Variants in RBM34 observed in about 807,000 individuals in gnomAD.
RBM34 encodes RNA binding motif protein 34.
Under a neutral mutation model 44.6 loss-of-function variants are expected in RBM34, and 39 were observed. That is an observed-to-expected ratio of 0.87 (90% CI 0.68 to 1.14). The LOEUF (loss-of-function observed/expected upper bound fraction) is 1.14. Ranked by LOEUF, RBM34 falls within the 50% of genes most tolerant of loss-of-function variation. The pLI, the probability that RBM34 is intolerant of heterozygous loss-of-function variation, is 0.00. For synonymous variants in RBM34, 194 were observed against 184.0 expected, an observed-to-expected ratio of 1.05 and a Z score of -0.44; for missense variants, 572 against 517.9, an observed-to-expected ratio of 1.10 and a Z score of -1.01.
At chr1:235,145,063 TAAAC>T (rs1661846241) in intron 6 of RBM34, among the ~76,000 whole-genome samples, 2 of 151,952 alleles carry the variant, frequency 1.3e-5, no homozygotes, top group South Asian at 2.1e-4. Flanking sequence ...ATTAAATAAA[TAAAC>T]AAATAGCAAA....
At position 235,136,076 on chromosome 1, in the gene RBM34, G is replaced by T; in HGVS notation, c.850-3C>A. ...ACAAAAACCGATCTCTTGTCTCTCT[G>T]AAACAAAAAGACAGTTAATAAAAAT... On this transcript the variant is annotated splice_polypyrimidine_tract_variant and splice_region_variant and intron_variant, in intron 8 of 10. Transcript: ENST00000408888. 1 of 1,597,466 alleles carries T rather than the reference G, an allele frequency of 6.3e-7. No homozygotes were observed. Among genetic ancestry groups the T allele is most frequent in the Non-Finnish European group, 8.6e-7 (1 of 1,168,000 alleles).
rs966892740 is a variant in RBM34, at chr1:235,138,088, T to A, written c.785+3A>T. On this transcript the variant is annotated splice_donor_region_variant and intron_variant, in intron 7 of 10. Coordinates refer to ENST00000408888, the MANE Select transcript of RBM34 (RefSeq NM_015014.4). ...TCTGTTCAAACCTAAGGGATAAAAT[T>A]ACCTTTTCAATGCTTGCGTGGCAGC... 2 of 1,599,804 alleles carry A rather than the reference T, an allele frequency of 1.3e-6. No individual in the cohort carries two copies. The highest frequency in any genetic ancestry group is 2.7e-5 in the African/African-American group (2 of 74,084).
intron 6 of RBM34, among the ~76,000 whole-genome samples, chr1:235,139,449 G>A (rs538580748): frequency 2.0e-5 from 3 of 152,138 alleles, no homozygotes; most frequent in African/African-American, 7.2e-5. Flanking sequence ...TATGAATAAG[G>A]AAGCTGAGAC....
Position 235,137,761 on chromosome 1 carries a change from T to C in RBM34, c.849+116A>G. 5.2e-6 allele frequency: 4 copies of C among 764,126 alleles called. No individual in the cohort carries two copies. The South Asian group carries it at 8.0e-5, about 15-fold the overall frequency. 47.3% of individuals were successfully genotyped at this position (764,126 alleles called of 1,614,324 possible). A position where few individuals can be genotyped will look rare whatever the true frequency, so the allele number is the denominator to read the frequency against. On this transcript the variant is annotated intron_variant, in intron 8 of 10. Coordinates refer to ENST00000408888, the MANE Select transcript of RBM34 (RefSeq NM_015014.4). ...CTGTAACCACAGAGGACATAGGCTG[T>C]TTCCTTCTGCGCTTCCCTCACATTG...
intron 8 of RBM34, among the ~76,000 whole-genome samples, chr1:235,137,104 T>A (rs1310811989): frequency 1.3e-5 from 2 of 152,150 alleles, no homozygotes; most frequent in African/African-American, 4.8e-5. Context: ...TATCCCCAAG[T>A]CAAGTGTCCC....
At chr1:235,157,837 T>C (rs1381013353) in intron 3 of RBM34, among the ~76,000 whole-genome samples, 4 of 152,068 alleles carry the variant, frequency 2.6e-5, no homozygotes, top group Non-Finnish European at 4.4e-5. Flanking sequence ...GCCCATTACA[T>C]ATGAGAGGTC....
At chr1:235,138,053 G>A (rs1160008175) in intron 7 of RBM34, 38 bp downstream of exon 7, 6 of 1,566,182 alleles carry the variant, frequency 3.8e-6, no homozygotes, top group East Asian at 2.2e-5. Context: ...CATACTTATA[G>A]GACAATTATT....
intron 6 of RBM34, among the ~76,000 whole-genome samples, chr1:235,146,990 G>C (rs1661933265): frequency 6.6e-6 from 1 of 152,186 alleles, no homozygotes; most frequent in Non-Finnish European, 1.5e-5. Flanking sequence ...CACTGCTTTA[G>C]AAGGCTGAGG....
intron 10 of RBM34, 72 bp from the exon 11 acceptor site, chr1:235,132,069 T>G (rs1312413036): frequency 7.2e-7 from 1 of 1,398,200 alleles, no homozygotes; most frequent in Non-Finnish European, 9.7e-7. Flanking sequence ...AAAGTGTCAC[T>G]TTAACAGATG....
At chr1:235,156,378 A>T (rs1185788290) in intron 3 of RBM34, among the ~76,000 whole-genome samples, 4 of 152,176 alleles carry the variant, frequency 2.6e-5, no homozygotes, top group African/African-American at 9.7e-5. Context: ...TCTATACAAA[A>T]GCTGATTCAC....
At chr1:235,155,838 T>TATACATACATATAC (rs1553275320) in intron 3 of RBM34, among the ~76,000 whole-genome samples, 1 of 26,454 alleles carries the variant, frequency 3.8e-5, no homozygotes, top group Non-Finnish European at 7.0e-5. Context: ...TATATATATA[T>TATACATACATATAC]ATATATATAT....
intron 6 of RBM34, among the ~76,000 whole-genome samples, chr1:235,147,611 C>T (rs1661959444): frequency 6.6e-6 from 1 of 152,036 alleles, no homozygotes; most frequent in African/African-American, 2.4e-5. Flanking sequence ...GAAAAACCGG[C>T]GAAGACCTGG....
At chr1:235,153,001 C>G (rs1437768651) in intron 4 of RBM34, among the ~76,000 whole-genome samples, 1 of 145,870 alleles carries the variant, frequency 6.9e-6, no homozygotes, top group Non-Finnish European at 1.5e-5. Flanking sequence ...TCCCAAGTAG[C>G]TGGGATTACA....
At chr1:235,139,839 A>G (rs1408986169) in intron 6 of RBM34, among the ~76,000 whole-genome samples, 1 of 152,228 alleles carries the variant, frequency 6.6e-6, no homozygotes, top group Non-Finnish European at 1.5e-5. Flanking sequence ...ACGATGGCCG[A>G]GCACAGGGGC....
intron 6 of RBM34, among the ~76,000 whole-genome samples, chr1:235,139,730 C>G (rs996245145): frequency 3.9e-5 from 6 of 152,214 alleles, no homozygotes; most frequent in African/African-American, 1.4e-4. Flanking sequence ...TTGCAGCCAT[C>G]ACAGAGCTGA....
intron 3 of RBM34, among the ~76,000 whole-genome samples, chr1:235,155,876 C>CA (rs1553275389): frequency 1.2e-5 from 1 of 84,514 alleles, no homozygotes; most frequent in Admixed American, 1.2e-4. Flanking sequence ...TACATATATA[C>CA]TTTTTTTTTT....
At position 235,160,468 on chromosome 1, in the gene RBM34, A is replaced by G. The variant is rs112788047; in HGVS notation, c.365+43T>C. 7.3e-4 allele frequency: 1,148 copies of G among 1,567,594 alleles called. 5 individuals carry two copies. The African/African-American group carries it at 0.014, about 19-fold the overall frequency. Reference sequence around the variant, plus strand: ...ATTCCAAGTATAGGAATGTTAATTTACCATCTAATTTCTTTAACATCAAAT... The same window carrying G: ...ATTCCAAGTATAGGAATGTTAATTTGCCATCTAATTTCTTTAACATCAAAT... On this transcript the variant is annotated intron_variant, in intron 3 of 10. Coordinates refer to ENST00000408888, the MANE Select transcript of RBM34 (RefSeq NM_015014.4).
intron 6 of RBM34, among the ~76,000 whole-genome samples, chr1:235,147,285 G>T (rs1572156396): frequency 6.6e-6 from 1 of 152,272 alleles, no homozygotes; most frequent in South Asian, 2.1e-4. Context: ...GGGGCTGGAG[G>T]AGAAGCTGAC....
intron 5 of RBM34, chr1:235,152,360 T>C (rs377666089): frequency 4.0e-6 from 2 of 497,752 alleles, no homozygotes; most frequent in African/African-American, 2.1e-5. Context: ...CTAATGTGTA[T>C]GATGGGACAT....
Sources: allele counts gnomAD v4.1 joint callset (sites outside exome capture counted in the v4.1 genomes callset), GRCh38; gene constraint gnomAD v4.1.1; transcripts MANE v1.5; gene names NCBI Gene and HGNC (gene_info 2026-07-23, HGNC 2026-07-21).